The following ZFHX3 variants were observed in gnomAD, a reference collection of about 807,000 sequenced individuals.
ZFHX3 encodes the protein zinc finger homeobox protein 3.
In ZFHX3, 42 loss-of-function variants were observed where a neutral mutation model predicts 279.1. The ratio of observed to expected loss-of-function variants is 0.15; its 90% CI spans 0.12 to 0.19. The LOEUF is 0.19. Ranked by LOEUF, ZFHX3 falls within the 10% of genes least tolerant of loss-of-function variation. The pLI is 1.00. For synonymous variants in ZFHX3, 2,293 were observed against 1,957.8 expected (o/e 1.17, Z -4.52); for missense variants, 4,981 against 4,754.0 (o/e 1.05, Z -1.40).
chr16:73,332,504 G>A (rs1364196431), intron 3 of ZFHX3, among the ~76,000 whole-genome samples: 1 of 152,170 alleles, frequency 6.6e-6, no homozygotes, highest in Non-Finnish European at 1.5e-5. Context: ...GTCTCTGGCT[G>A]AACTACCACC....
chr16:73,483,337 CAGAG>C (rs1267626419), intron 2 of ZFHX3: 3 of 412,062 alleles, frequency 7.3e-6, no homozygotes, highest in South Asian at 4.9e-5. Flanking sequence ...GAGTGAGAGA[CAGAG>C]AGAGAGAGAA....
At chr16:73,171,623 T>A (rs1258541245) in intron 5 of ZFHX3, among the ~76,000 whole-genome samples, 1 of 152,170 alleles carries the variant, frequency 6.6e-6, no homozygotes, top group Non-Finnish European at 1.5e-5. Context: ...GTATTCTGTG[T>A]TTACTGATTC....
chr16:72,927,671 G>A (rs919693569), intron 3 of ZFHX3, among the ~76,000 whole-genome samples: 4 of 151,846 alleles, frequency 2.6e-5, no homozygotes, highest in East Asian at 3.9e-4. Context: ...ACAGCCCCCC[G>A]CCCCTCCGGA....
intron 1 of ZFHX3, among the ~76,000 whole-genome samples, chr16:73,801,623 T>A (rs1325172349): frequency 6.6e-6 from 1 of 152,222 alleles, no homozygotes; most frequent in East Asian, 1.9e-4. Context: ...CTGCAACCAC[T>A]ACAAAACAAG....
At chr16:73,241,984 G>A (rs1345662892) in intron 5 of ZFHX3, among the ~76,000 whole-genome samples, 1 of 151,966 alleles carries the variant, frequency 6.6e-6, no homozygotes, top group Non-Finnish European at 1.5e-5. Context: ...CCAACCTCTT[G>A]GAATCACTGT....
intron 4 of ZFHX3, among the ~76,000 whole-genome samples, chr16:72,887,258 A>C (rs1330039205): frequency 6.6e-6 from 1 of 152,100 alleles, no homozygotes; most frequent in Non-Finnish European, 1.5e-5. Context: ...TGACAGAAAA[A>C]CTGATAGAGC....
chr16:73,830,555 T>C (rs1232251370), intron 1 of ZFHX3, among the ~76,000 whole-genome samples: 1 of 152,074 alleles, frequency 6.6e-6, no homozygotes, highest in African/African-American at 2.4e-5. Context: ...ACAAACCCAT[T>C]TGTGTGGATT....
At chr16:73,666,475 T>C (rs1030389162) in intron 2 of ZFHX3, among the ~76,000 whole-genome samples, 2 of 151,944 alleles carry the variant, frequency 1.3e-5, no homozygotes, top group African/African-American at 2.4e-5. Flanking sequence ...GAAGGGATGA[T>C]GGAAAGTTTC....
At chr16:73,756,740 C>T (rs2053813313) in intron 1 of ZFHX3, among the ~76,000 whole-genome samples, 1 of 95,142 alleles carries the variant, frequency 1.1e-5, no homozygotes, top group Non-Finnish European at 2.0e-5. Context: ...CCGCTCCTAA[C>T]ATCAGGAACC....
intron 1 of ZFHX3, chr16:73,016,128 C>CT (rs1964095789): frequency 6.6e-6 from 1 of 152,270 alleles, no homozygotes; most frequent in African/African-American, 2.4e-5. Flanking sequence ...CTCCAGTTCT[C>CT]TTTCAATCAC....
At chr16:72,915,508 T>C (rs1042587044) in intron 3 of ZFHX3, among the ~76,000 whole-genome samples, 2 of 152,136 alleles carry the variant, frequency 1.3e-5, no homozygotes, top group African/African-American at 4.8e-5. Context: ...CTCACACTTG[T>C]AACCCCGGCA....
At chr16:73,324,539 T>C (rs965938928) in intron 3 of ZFHX3, among the ~76,000 whole-genome samples, 2 of 152,206 alleles carry the variant, frequency 1.3e-5, no homozygotes, top group Admixed American at 6.5e-5. Context: ...CCCTATGAGC[T>C]TTCTCATTAC....
chr16:72,873,486 T>A (rs913290748), intron 4 of ZFHX3, among the ~76,000 whole-genome samples: 1 of 152,232 alleles, frequency 6.6e-6, no homozygotes, highest in South Asian at 2.1e-4. Flanking sequence ...TCTTGATGAA[T>A]CCGTACCACC....
intron 3 of ZFHX3, among the ~76,000 whole-genome samples, chr16:73,437,357 T>C (rs2143528311): frequency 6.6e-6 from 1 of 152,330 alleles, no homozygotes; most frequent in Non-Finnish European, 1.5e-5. Context: ...AAAAGTATTA[T>C]ACCAATTAAC....
At chr16:73,821,858 T>C (rs756580291) in intron 1 of ZFHX3, among the ~76,000 whole-genome samples, 45 of 152,156 alleles carry the variant, frequency 3.0e-4, no homozygotes, top group Admixed American at 9.2e-4. Context: ...GGGCTGACCT[T>C]TGTAAAGGCA....
At chr16:73,276,375 G>A (rs189024916) in intron 4 of ZFHX3, among the ~76,000 whole-genome samples, 1 of 151,792 alleles carries the variant, frequency 6.6e-6, no homozygotes, top group East Asian at 1.9e-4. Context: ...GTAGAGACGG[G>A]GTTTCACCAT....
intron 1 of ZFHX3, among the ~76,000 whole-genome samples, chr16:73,804,407 A>G (rs1021452336): frequency 6.6e-6 from 1 of 152,220 alleles, no homozygotes; most frequent in Non-Finnish European, 1.5e-5. Flanking sequence ...ACGCAGTCCA[A>G]AATGGCACCT....
chr16:73,556,652 A>G (rs1304705962), intron 2 of ZFHX3, among the ~76,000 whole-genome samples: 4 of 152,032 alleles, frequency 2.6e-5, no homozygotes, highest in Non-Finnish European at 5.9e-5. Context: ...GATAGATGTT[A>G]CAGGGGGACC....
At chr16:73,533,135 C>T (rs1349012137) in intron 2 of ZFHX3, among the ~76,000 whole-genome samples, 2 of 152,028 alleles carry the variant, frequency 1.3e-5, no homozygotes, top group Non-Finnish European at 2.9e-5. Context: ...TATCCATGTG[C>T]TGTCTCACAC....
Sources: allele counts gnomAD v4.1 joint callset (sites outside exome capture counted in the v4.1 genomes callset), GRCh38; gene constraint gnomAD v4.1.1; transcripts MANE v1.5; gene names NCBI Gene and HGNC (gene_info 2026-07-23, HGNC 2026-07-21).